Variants in C3orf49 observed in about 807,000 individuals in gnomAD.
C3orf49 encodes chromosome 3 open reading frame 49, also known as putative uncharacterized protein C3orf49.
Under a neutral mutation model 13.3 loss-of-function variants are expected in C3orf49, and 27 were observed. The ratio of observed to expected loss-of-function variants is 2.02; its 90% CI spans 1.49 to 2.79. C3orf49 has a LOEUF of 2.79. C3orf49 is among the 30% of genes most tolerant of loss of function. The pLI, the probability that C3orf49 is intolerant of heterozygous loss-of-function variation, is 0.00. For synonymous variants in C3orf49, 87 were observed against 47.6 expected (o/e 1.83, Z -3.40); for missense variants, 242 against 134.2 (o/e 1.80, Z -3.97).
chr3:63,806,743 G>T, the C3orf49 span, among the ~76,000 whole-genome samples: 1 of 151,886 alleles, frequency 6.6e-6, no homozygotes, highest in Non-Finnish European at 1.5e-5. Context: ...CCATTCTTCA[G>T]TTGGCCCTTA....
intron 6 of C3orf49, among the ~76,000 whole-genome samples, chr3:63,847,307 C>G (rs1701919963): frequency 6.6e-6 from 1 of 152,130 alleles, no homozygotes; most frequent in African/African-American, 2.4e-5. Context: ...TTAATGAACT[C>G]TCATCAGGTT....
chr3:63,789,098 C>A, the C3orf49 span, among the ~76,000 whole-genome samples: 19 of 152,272 alleles, frequency 1.2e-4, no homozygotes, highest in South Asian at 3.7e-3. Flanking sequence ...AGAAGATGGG[C>A]GGCGGGCGAG....
the C3orf49 span, among the ~76,000 whole-genome samples, chr3:63,788,995 GCTAATCA>G: frequency 6.6e-6 from 1 of 152,018 alleles, no homozygotes; most frequent in African/African-American, 2.4e-5. Context: ...ACAAATATTG[GCTAATCA>G]CTGATCACTT....
At chr3:63,811,684 G>A in the C3orf49 span, among the ~76,000 whole-genome samples, 1 of 151,750 alleles carries the variant, frequency 6.6e-6, no homozygotes, top group Non-Finnish European at 1.5e-5. Context: ...GTTCAACTTG[G>A]GAGGTATAGC....
chr3:63,790,329 T>G, the C3orf49 span, among the ~76,000 whole-genome samples: 1 of 152,162 alleles, frequency 6.6e-6, no homozygotes, highest in African/African-American at 2.4e-5. Context: ...TCCTAATACC[T>G]GGTGTAGGTG....
Position 63,823,294 on chromosome 3 carries a change from T to G in C3orf49, c.170T>G (p.Leu57Trp), listed in dbSNP as rs1349090151. ...VSTNLLKQNV[L>W]VPKEESSSDS... The stretch of plus-strand genomic sequence containing the variant: ...ACCAACTTACTAAAACAAAATGTAT[T>G]GGTCCCTAAAGAGGAATCATCCAGT... The change falls in exon 2 of 7, where the codon TTG (leucine) becomes TGG (tryptophan). Residue 57 changes from leucine (L) to tryptophan (W), a missense_variant. Physicochemically the swap from Leu to Trp is moderately conservative, Grantham distance 61. Transcript: ENST00000295896. The G allele has an allele frequency of 5.7e-6, 4 of 702,946 alleles. No homozygotes were observed. The highest frequency in any genetic ancestry group is 1.0e-5 in the Non-Finnish European group (4 of 385,030). The allele number at this position is 702,946 out of a possible 1,614,324, so 43.5% of individuals were successfully genotyped here.
At chr3:63,819,099 G>T (rs562414458), upstream of C3orf49, among the ~76,000 whole-genome samples, 18 of 151,714 alleles carry the variant, frequency 1.2e-4, 1 homozygote, top group East Asian at 3.9e-4. Context: ...GGTGTTTTTT[G>T]TTGTTGTTGT....
chr3:63,818,311 A>G (rs1285347065), upstream of C3orf49, among the ~76,000 whole-genome samples: 1 of 152,230 alleles, frequency 6.6e-6, no homozygotes, highest in Non-Finnish European at 1.5e-5. Flanking sequence ...AGAAATGAGA[A>G]CTCATGCATA....
chr3:63,789,801 A>T, the C3orf49 span, among the ~76,000 whole-genome samples: 2 of 127,176 alleles, frequency 1.6e-5, no homozygotes, highest in South Asian at 5.2e-4. Context: ...ACAGAGCAAG[A>T]CTCTGTCTCA....
chr3:63,802,391 C>A, the C3orf49 span, among the ~76,000 whole-genome samples: 2 of 152,182 alleles, frequency 1.3e-5, no homozygotes, highest in African/African-American at 4.8e-5. Flanking sequence ...CTGGGATATG[C>A]CAAACCCCAA....
chr3:63,790,965 G>A, the C3orf49 span, among the ~76,000 whole-genome samples: 30 of 152,190 alleles, frequency 2.0e-4, no homozygotes, highest in Non-Finnish European at 3.2e-4. Flanking sequence ...AGGAGTACAC[G>A]TTATGCCTCA....
the C3orf49 span, among the ~76,000 whole-genome samples, chr3:63,785,638 G>A: frequency 6.6e-6 from 1 of 152,138 alleles, no homozygotes; most frequent in Admixed American, 6.5e-5. Flanking sequence ...ACTTTTTAAA[G>A]ATACTGTATT....
At chr3:63,781,518 T>A in the C3orf49 span, among the ~76,000 whole-genome samples, 28,372 of 152,128 alleles carry the variant, frequency 0.19, 2,640 homozygotes, top group East Asian at 0.26. Context: ...TTTTTTCCAA[T>A]TCTGTGAAGA....
the C3orf49 span, among the ~76,000 whole-genome samples, chr3:63,781,009 C>G: frequency 1.3e-5 from 2 of 151,162 alleles, no homozygotes; most frequent in Non-Finnish European, 1.5e-5. Context: ...TCCCATTTGT[C>G]AATTTTGTCT....
chr3:63,798,581 G>T, the C3orf49 span, among the ~76,000 whole-genome samples: 8 of 151,758 alleles, frequency 5.3e-5, no homozygotes, highest in Non-Finnish European at 4.4e-5. Flanking sequence ...TCATCATCAG[G>T]CCCCAAAACA....
At chr3:63,813,040 C>T in the C3orf49 span, among the ~76,000 whole-genome samples, 7 of 152,098 alleles carry the variant, frequency 4.6e-5, no homozygotes, top group African/African-American at 1.4e-4. Context: ...CACATCCTGC[C>T]TCCACAGAAC....
In C3orf49 at chr3:63,835,623, GA is replaced by G. The variant is rs1478753603; in HGVS notation, c.849+3784del. Among the ~76,000 whole-genome samples, 6 of 151,990 alleles carry G rather than the reference GA, an allele frequency of 3.9e-5. No individual in the cohort carries two copies. In the East Asian group the frequency reaches 1.2e-3, roughly 29 times the overall value. ...TTTTTGGATCCATTTTTAAAGTACA[GA>G]AAAATACAGATAACAGAATAACAAG... is the stretch of plus-strand genomic sequence containing the variant. On this transcript the variant is annotated intron_variant, in intron 5 of 6. Coordinates refer to ENST00000295896, the MANE Select transcript of C3orf49 (RefSeq NM_001355236.2).
chr3:63,818,509 C>A (rs1331523456), upstream of C3orf49, among the ~76,000 whole-genome samples: 1 of 152,116 alleles, frequency 6.6e-6, no homozygotes, highest in East Asian at 1.9e-4. Context: ...TGTACTGTAT[C>A]GAAATCTGCA....
the C3orf49 span, among the ~76,000 whole-genome samples, chr3:63,808,211 T>G: frequency 6.6e-6 from 1 of 152,222 alleles, no homozygotes; most frequent in Non-Finnish European, 1.5e-5. Flanking sequence ...ATTTAAGAGA[T>G]AAGTGATACA....
Sources: gnomAD v4.1 joint callset for allele counts (sites outside exome capture counted in the v4.1 genomes callset) on GRCh38, gnomAD v4.1.1 for gene constraint, MANE v1.5 for transcripts, NCBI Gene and HGNC (gene_info 2026-07-23, HGNC 2026-07-21) for gene names.